Variants in FNBP4 observed in about 807,000 individuals in gnomAD.
FNBP4 encodes the protein formin binding protein 4.
In FNBP4, 34 loss-of-function variants were observed where a neutral mutation model predicts 119.3. That is an observed-to-expected ratio of 0.28 (90% CI 0.22 to 0.38). The LOEUF (loss-of-function observed/expected upper bound fraction) is 0.38. Ranked by LOEUF, FNBP4 falls within the 10% of genes least tolerant of loss-of-function variation. The probability of loss-of-function intolerance (pLI) is 1.00; values close to 1 mark genes in which losing one functional copy is unlikely to be tolerated. For synonymous variants in FNBP4, 462 were observed against 430.6 expected (o/e 1.07, Z -0.90); for missense variants, 1,112 against 1,228.9 (o/e 0.90, Z 1.42).
At chr11:47,755,573 C>A (rs1267427394) in intron 2 of FNBP4, among the ~76,000 whole-genome samples, 11 of 151,650 alleles carry the variant, frequency 7.3e-5, no homozygotes, top group African/African-American at 2.7e-4. Context: ...TCATTTGAGC[C>A]CAGAATCTGA....
chr11:47,748,131 C>T (rs1345162734), intron 6 of FNBP4, among the ~76,000 whole-genome samples: 2 of 151,756 alleles, frequency 1.3e-5, no homozygotes, highest in East Asian at 1.9e-4. Context: ...CCCAGCTACT[C>T]GGGAGGCTGA....
chr11:47,744,276 C>CA, intron 7 of FNBP4, 113 bp from the exon 8 acceptor site: 1 of 1,044,484 alleles, frequency 9.6e-7, no homozygotes, highest in Non-Finnish European at 1.4e-6. Flanking sequence ...GAACAGAAAG[C>CA]ACTTTTTTTT....
intron 4 of FNBP4, 150 bp from the exon 5 acceptor site, chr11:47,751,440 T>C (rs866666860): frequency 3.6e-5 from 30 of 841,848 alleles, no homozygotes; most frequent in Middle Eastern, 7.1e-4. Flanking sequence ...CAATCCTATG[T>C]GGAGGTTTTA....
intron 8 of FNBP4, among the ~76,000 whole-genome samples, chr11:47,740,001 C>T (rs981059903): frequency 1.1e-4 from 16 of 151,884 alleles, no homozygotes; most frequent in East Asian, 3.9e-4. Context: ...GGTTTCTCCA[C>T]GTTGGTCAGG....
chr11:47,741,832 TAAAG>T (rs1197143226), intron 8 of FNBP4, among the ~76,000 whole-genome samples: 3 of 150,878 alleles, frequency 2.0e-5, no homozygotes, highest in African/African-American at 7.3e-5. Flanking sequence ...AATAAAAAAA[TAAAG>T]AATGCACCAC....
intron 2 of FNBP4, among the ~76,000 whole-genome samples, chr11:47,757,193 C>T (rs972066284): frequency 1.3e-5 from 2 of 152,130 alleles, no homozygotes; most frequent in Non-Finnish European, 2.9e-5. Context: ...TTCTCCACAT[C>T]CTTTCCAGCA....
At chr11:47,721,685 A>G (rs1054495637) in intron 15 of FNBP4, among the ~76,000 whole-genome samples, 6 of 151,994 alleles carry the variant, frequency 3.9e-5, no homozygotes, top group African/African-American at 1.4e-4. Flanking sequence ...GCTTACCTTC[A>G]TTGTCTAAAT....
intron 8 of FNBP4, 102 bp from the exon 9 acceptor site, chr11:47,736,842 T>C: frequency 4.6e-6 from 5 of 1,075,728 alleles, no homozygotes; most frequent in Non-Finnish European, 6.7e-6. Flanking sequence ...TATTAGTTCT[T>C]TCTCTCTTGC....
chr11:47,752,957 G>A lies in FNBP4; in HGVS notation c.596C>T (p.Thr199Ile), dbSNP rs1460033162. ...CTGAGTATCATATTGCCAACCAGAT[G>A]TTTGGGTGGAGTCTGTTCCATTTGA... ...STSNGTDSTQ[T>I]SGWQYDTQCS... The change falls in exon 4 of 17, where the codon ACA becomes ATA. Residue 199 changes from threonine to isoleucine, a missense_variant. Coordinates refer to ENST00000263773, the MANE Select transcript of FNBP4 (RefSeq NM_015308.5). 6.2e-7 allele frequency: 1 copy of A among 1,613,924 alleles called. No individual in the cohort carries two copies. The highest frequency in any genetic ancestry group is 8.5e-7 in the Non-Finnish European group (1 of 1,179,876).
chr11:47,746,039 A>T lies in FNBP4; in HGVS notation c.1245+17T>A. Reference sequence around the variant, plus strand: ...ACTGAGGAAAAAACATTCTACAAGTAACTTTCAAAAGCTTACTTTTTTCCT... The same window carrying T: ...ACTGAGGAAAAAACATTCTACAAGTTACTTTCAAAAGCTTACTTTTTTCCT... On this transcript the variant is annotated intron_variant, in intron 7 of 16. Transcript: ENST00000263773. The T allele has an allele frequency of 6.4e-7, 1 of 1,574,768 alleles. No individual in the cohort carries two copies. Among genetic ancestry groups the T allele is most frequent in the African/African-American group, 1.4e-5 (1 of 73,128 alleles).
At chr11:47,722,454 G>A (rs2097556898) in intron 15 of FNBP4, among the ~76,000 whole-genome samples, 1 of 151,988 alleles carries the variant, frequency 6.6e-6, no homozygotes, top group African/African-American at 2.4e-5. Context: ...TCAACAAGTA[G>A]GAGTTGACAT....
At chr11:47,755,013 C>T (rs912675991) in intron 2 of FNBP4, among the ~76,000 whole-genome samples, 10 of 151,738 alleles carry the variant, frequency 6.6e-5, no homozygotes, top group African/African-American at 1.5e-4. Flanking sequence ...CCTGGTAGCA[C>T]GTGCCTGTAG....
intron 5 of FNBP4, 34 bp from the exon 6 acceptor site, chr11:47,751,070 A>C: frequency 6.2e-7 from 1 of 1,612,050 alleles, no homozygotes; most frequent in Admixed American, 1.7e-5. Context: ...GAGAAATATA[A>C]GACAAATACT....
chr11:47,765,475 T>G, intron 1 of FNBP4, 113 bp from the exon 2 acceptor site: 2 of 724,356 alleles, frequency 2.8e-6, no homozygotes, highest in Non-Finnish European at 4.5e-6. Context: ...AACCTTTGAT[T>G]TAACATTTCA....
intron 2 of FNBP4, among the ~76,000 whole-genome samples, chr11:47,763,420 CAAAAA>C (rs34974843): frequency 2.3e-4 from 29 of 126,348 alleles, no homozygotes; most frequent in Non-Finnish European, 2.0e-4. Context: ...CACTTGAACT[CAAAAA>C]AAAAAAAAAA....
chr11:47,731,894 A>G, intron 11 of FNBP4: 1 of 1,026,446 alleles, frequency 9.7e-7, no homozygotes, highest in Non-Finnish European at 1.2e-6. Context: ...AATCGCCTAG[A>G]ACACTAATTT....
Position 47,732,362 on chromosome 11 carries a change from T to A in FNBP4, c.1820+175A>T. ...GGAACACTTTAAACATTGCTTTTGT[T>A]TCTCCAATGTGTGGCTGGCCAAACT... On this transcript the variant is annotated intron_variant, in intron 11 of 16. Transcript: ENST00000263773. This position sits in a 1 kb window ranked among gnomAD's most constrained non-coding sequence, Gnocchi z 4.2. 6.6e-7 allele frequency: 1 copy of A among 1,505,666 alleles called. No homozygotes were observed. The highest frequency in any genetic ancestry group is 8.8e-7 in the Non-Finnish European group (1 of 1,131,486). The allele number at this position is 1,505,666 out of a possible 1,614,324, so 93.3% of individuals were successfully genotyped here.
At chr11:47,743,809 T>G in intron 8 of FNBP4, 144 bp downstream of exon 8, 1 of 714,020 alleles carries the variant, frequency 1.4e-6, no homozygotes, top group South Asian at 1.9e-5. Context: ...GGTAGAGAGG[T>G]GGATGGAAGC....
At chr11:47,747,279 A>G (rs1207033668) in intron 6 of FNBP4, among the ~76,000 whole-genome samples, 5 of 152,126 alleles carry the variant, frequency 3.3e-5, no homozygotes, top group African/African-American at 9.7e-5. Flanking sequence ...ATGTCGGCTC[A>G]CTGCAACGTC....
Sources: allele counts gnomAD v4.1 joint callset (sites outside exome capture counted in the v4.1 genomes callset), GRCh38; gene constraint gnomAD v4.1.1; non-coding constraint Gnocchi (gnomAD v3.1); transcripts MANE v1.5; gene names NCBI Gene and HGNC (gene_info 2026-07-23, HGNC 2026-07-21).